CBLIF: variants seen among roughly 807,000 people sequenced by gnomAD.
The protein encoded by CBLIF is gastric intrinsic factor (vitamin B synthesis).
A neutral mutation model predicts 44.9 loss-of-function variants in CBLIF; 24 were observed. That is an observed-to-expected ratio of 0.53 (90% CI 0.39 to 0.75). The LOEUF is 0.75. CBLIF is among the 30% of genes least tolerant of loss of function. The pLI is 0.00. For synonymous variants in CBLIF, 183 were observed against 190.9 expected (o/e 0.96, Z 0.34); for missense variants, 481 against 513.0 (o/e 0.94, Z 0.60).
chr11:59,835,698 A>T, intron 7 of CBLIF, 110 bp downstream of exon 7: 1 of 853,778 alleles, frequency 1.2e-6, no homozygotes, highest in Non-Finnish European at 2.0e-6. Flanking sequence ...AAGCGCTATT[A>T]AATAAAAATC....
chr11:59,842,703 G>A (rs551620160), intron 3 of CBLIF, 120 bp from the exon 4 acceptor site: 73 of 957,946 alleles, frequency 7.6e-5, no homozygotes, highest in Non-Finnish European at 1.2e-4. Context: ...CCCAAAGAGA[G>A]ACACAGCATA....
At chr11:59,839,027 T>G (rs1733367864) in intron 5 of CBLIF, among the ~76,000 whole-genome samples, 1 of 151,978 alleles carries the variant, frequency 6.6e-6, no homozygotes. Context: ...TTTTGTATTT[T>G]TAGTAGAGAT....
intron 4 of CBLIF, 67 bp downstream of exon 4, chr11:59,842,376 C>A: frequency 6.4e-7 from 1 of 1,560,182 alleles, no homozygotes; most frequent in Non-Finnish European, 8.8e-7. Context: ...CACTTCCCTG[C>A]CAGCTCCACC....
intron 3 of CBLIF, chr11:59,842,817 T>G: frequency 1.6e-6 from 1 of 643,808 alleles, no homozygotes; most frequent in Non-Finnish European, 2.8e-6. Flanking sequence ...CTGGACAAGC[T>G]TGTGTCCTTG....
Position 59,829,448 on chromosome 11 carries a change from TG to T in CBLIF, c.*35del. 1 of 1,383,034 alleles carries T rather than the reference TG, an allele frequency of 7.2e-7. No homozygotes were observed. Among genetic ancestry groups the T allele is most frequent in the Non-Finnish European group, 1.0e-6 (1 of 968,874 alleles). The allele number at this position is 1,383,034 out of a possible 1,614,324, so 85.7% of individuals were successfully genotyped here. On this transcript the variant is annotated 3_prime_UTR_variant, in exon 9 of 9. Transcript: ENST00000257248. Reference sequence around the variant, plus strand: ...AGTGGAAAAAATTTCACCCATCCTTTGGAGATGTTTGATAGAAGCTGAACCC... The same window carrying T: ...AGTGGAAAAAATTTCACCCATCCTTTGAGATGTTTGATAGAAGCTGAACCC...
intron 2 of CBLIF, 83 bp downstream of exon 2, chr11:59,843,796 T>C (rs1187343827): frequency 9.8e-7 from 1 of 1,015,538 alleles, no homozygotes; most frequent in East Asian, 2.4e-5. Flanking sequence ...AGCATTGGGG[T>C]GGGAAGGACG....
At chr11:59,839,666 G>C (rs566508922) in intron 5 of CBLIF, among the ~76,000 whole-genome samples, 22 of 152,272 alleles carry the variant, frequency 1.4e-4, no homozygotes, top group African/African-American at 4.6e-4. Context: ...AAAAAGGGTA[G>C]GGAGAGATTA....
chr11:59,841,256 C>T lies in CBLIF; in HGVS notation c.580G>A (p.Gly194Ser), dbSNP rs375980909. 4 of 1,613,492 alleles carry T rather than the reference C, an allele frequency of 2.5e-6. No homozygotes were observed. In the African/African-American group the frequency reaches 5.3e-5, roughly 22 times the overall value. ...YNKIPVGSEEGYRSLFGQVLK... is the reference protein window; with the variant it reads ...YNKIPVGSEESYRSLFGQVLK... ...ACCTGACCAAACAGGGATCTGTAAC[C>T]TTCCTCTGAACCTACAGGGATCTTG... Residue 194 changes from glycine (G) to serine (S), a missense_variant, in exon 5 of 9, where the codon GGT (glycine) becomes AGT (serine). Coordinates refer to ENST00000257248, the MANE Select transcript of CBLIF (RefSeq NM_005142.3).
chr11:59,839,101 G>A lies in CBLIF; in HGVS notation c.694-1750C>T, dbSNP rs560244764. Among the ~76,000 whole-genome samples, 20 of 152,112 alleles carry A rather than the reference G, an allele frequency of 1.3e-4. No homozygotes were observed. The South Asian group carries it at 3.3e-3, about 25-fold the overall frequency. ...TGACCCCAAGTGATCTGCCCGCCTC[G>A]TCCTCCCAAAGTGCTGGGATTACAG... On this transcript the variant is annotated intron_variant, in intron 5 of 8. Transcript: ENST00000257248.
At chr11:59,837,073 A>G (rs1866465487) in intron 6 of CBLIF, 101 bp downstream of exon 6, 1 of 913,974 alleles carries the variant, frequency 1.1e-6, no homozygotes, top group East Asian at 2.4e-5. Flanking sequence ...CCACATGGGA[A>G]TAATGGACAT....
At position 59,837,295 on chromosome 11, in the gene CBLIF, C is replaced by T. The variant is rs377432418; in HGVS notation, c.750G>A (p.Thr250=). ...SKKEWNCKKT[T]DMILNEIKQG... Reference sequence around the variant, plus strand: ...GCTTAATCTCATTGAGTATCATATCCGTAGTCTTCTTGCAGTTCCATTCCT... The same window carrying T: ...GCTTAATCTCATTGAGTATCATATCTGTAGTCTTCTTGCAGTTCCATTCCT... The change falls in exon 6 of 9, where the codon ACG becomes ACA. Residue 250 remains threonine, a synonymous_variant. Transcript: ENST00000257248. 132 of 1,612,938 alleles carry T rather than the reference C, an allele frequency of 8.2e-5. 1 individual carries two copies. In the South Asian group the frequency reaches 8.3e-4, roughly 10 times the overall value.
intron 2 of CBLIF, 92 bp downstream of exon 2, chr11:59,843,787 G>A: frequency 1.1e-6 from 1 of 919,652 alleles, no homozygotes; most frequent in Non-Finnish European, 1.8e-6. Context: ...GTCAGAGGCA[G>A]CATTGGGGTG....
rs780087525 is a variant in CBLIF at position 59,836,019 on chromosome 11, G to A, written c.872-10C>T. On this transcript the variant is annotated splice_polypyrimidine_tract_variant and intron_variant, in intron 6 of 8. Transcript: ENST00000257248. ...GGTTGTACCTCATGATCTGTGAAGG[G>A]CAAAGAGGCCACATTTGTCAAAGAT... 2 of 1,609,622 alleles carry A rather than the reference G, an allele frequency of 1.2e-6. No individual in the cohort carries two copies. The highest frequency in any genetic ancestry group is 8.5e-7 in the Non-Finnish European group (1 of 1,175,868).
chr11:59,835,019 C>G (rs2135087189), intron 7 of CBLIF, among the ~76,000 whole-genome samples: 1 of 152,326 alleles, frequency 6.6e-6, no homozygotes, highest in African/African-American at 2.4e-5. Flanking sequence ...GAAGTTCAGT[C>G]TCCTGAACCT....
rs147785187 is a variant in CBLIF, at chr11:59,845,374, C to T, written c.79+1G>A. Reference sequence around the variant, plus strand: ...CCTCCTTGGAAAAACATCATACTCACAGCATGAACTCTGGGTCTGGGTACT... The same window carrying T: ...CCTCCTTGGAAAAACATCATACTCATAGCATGAACTCTGGGTCTGGGTACT... On this transcript the variant is annotated splice_donor_variant, in intron 1 of 8. Transcript: ENST00000257248. LOFTEE classifies it high-confidence loss of function. 412 of 1,608,564 alleles carry T rather than the reference C, an allele frequency of 2.6e-4. No homozygotes were observed. The highest frequency in any genetic ancestry group is 3.3e-4 in the Non-Finnish European group (384 of 1,175,090).
intron 5 of CBLIF, among the ~76,000 whole-genome samples, chr11:59,840,617 C>T (rs1866511924): frequency 6.6e-6 from 1 of 152,088 alleles, no homozygotes; most frequent in African/African-American, 2.4e-5. Context: ...GATAGATCTG[C>T]TTTACCATTT....
At chr11:59,833,198 C>T (rs192225726) in intron 7 of CBLIF, among the ~76,000 whole-genome samples, 3 of 152,236 alleles carry the variant, frequency 2.0e-5, no homozygotes, top group Non-Finnish European at 2.9e-5. Flanking sequence ...AAGTAAAGTA[C>T]GGTATATTCA....
intron 1 of CBLIF, 140 bp downstream of exon 1, chr11:59,845,235 C>G: frequency 8.3e-7 from 1 of 1,200,536 alleles, no homozygotes; most frequent in Non-Finnish European, 1.2e-6. Context: ...GAAGGATGAA[C>G]AGCACACAAT....
At chr11:59,832,598 G>A (rs1434425437) in intron 7 of CBLIF, among the ~76,000 whole-genome samples, 2 of 151,940 alleles carry the variant, frequency 1.3e-5, no homozygotes, top group Non-Finnish European at 2.9e-5. Flanking sequence ...GACCAGCCTT[G>A]GCAATATAGT....
Sources: gnomAD v4.1 joint callset for allele counts (sites outside exome capture counted in the v4.1 genomes callset) on GRCh38, gnomAD v4.1.1 for gene constraint, MANE v1.5 for transcripts, NCBI Gene and HGNC (gene_info 2026-07-23, HGNC 2026-07-21) for gene names.